Variants in KIAA0825 observed in about 807,000 individuals in gnomAD.
KIAA0825 encodes the protein KIAA0825, also known as uncharacterized protein KIAA0825.
Under a neutral mutation model 147.6 loss-of-function variants are expected in KIAA0825, and 119 were observed. The observed-to-expected ratio is 0.81, with a 90% CI of 0.69 to 0.94. The LOEUF is 0.94. Ranked by LOEUF, KIAA0825 falls within the 40% of genes least tolerant of loss-of-function variation. KIAA0825 has a pLI of 0.00. For synonymous variants in KIAA0825, 470 were observed against 518.1 expected (o/e 0.91, Z 1.26); for missense variants, 1,381 against 1,472.7 (o/e 0.94, Z 1.02).
At chr5:94,581,076 A>C (rs1267074863) in intron 2 of KIAA0825, among the ~76,000 whole-genome samples, 1 of 152,154 alleles carries the variant, frequency 6.6e-6, no homozygotes, top group Admixed American at 6.5e-5. Context: ...ACTCAATTAT[A>C]TCAAATAAGC....
chr5:94,615,650 T>G (rs923772375), intron 1 of KIAA0825: 1 of 152,194 alleles, frequency 6.6e-6, no homozygotes, highest in Admixed American at 6.5e-5. Flanking sequence ...CCAGTCTTCT[T>G]TGCAGGACAG....
Position 94,394,918 on chromosome 5 carries a change from A to C in KIAA0825, c.3296+1183T>G, listed in dbSNP as rs1750434693. Among the ~76,000 whole-genome samples the C allele has an allele frequency of 2.0e-5, 3 of 152,284 alleles. No homozygotes were observed. In the South Asian group the frequency reaches 6.2e-4, roughly 32 times the overall value. On this transcript the variant is annotated intron_variant, in intron 17 of 20. Transcript: ENST00000682413. ...AGGTCAGTATGATGAGACCAGGAAAATCATGATTACCTACTTTTCCCCATT... is the reference window on the plus strand; with the variant it reads ...AGGTCAGTATGATGAGACCAGGAAACTCATGATTACCTACTTTTCCCCATT...
At chr5:94,162,307 A>AT (rs1023760641) in intron 20 of KIAA0825, among the ~76,000 whole-genome samples, 154 of 151,486 alleles carry the variant, frequency 1.0e-3, no homozygotes, top group African/African-American at 3.6e-3. Flanking sequence ...TTTGGTTATG[A>AT]TTTTTTTTTA....
intron 20 of KIAA0825, among the ~76,000 whole-genome samples, chr5:94,287,668 C>T (rs534090238): frequency 6.6e-6 from 1 of 152,280 alleles, no homozygotes; most frequent in South Asian, 2.1e-4. Context: ...AAAATTATTA[C>T]ATTAAGGACA....
At chr5:94,472,343 A>G (rs1349234535) in intron 8 of KIAA0825, among the ~76,000 whole-genome samples, 1 of 152,192 alleles carries the variant, frequency 6.6e-6, no homozygotes, top group African/African-American at 2.4e-5. Context: ...ATGGAAAAGT[A>G]AAGCCTATCT....
intron 20 of KIAA0825, among the ~76,000 whole-genome samples, chr5:94,294,454 A>G (rs1304365956): frequency 6.6e-6 from 1 of 152,194 alleles, no homozygotes; most frequent in Non-Finnish European, 1.5e-5. Context: ...TTGGCTGGGC[A>G]TTGTGGCTCA....
At chr5:94,286,725 A>G (rs779613769) in intron 20 of KIAA0825, among the ~76,000 whole-genome samples, 10 of 151,938 alleles carry the variant, frequency 6.6e-5, no homozygotes, top group Non-Finnish European at 1.0e-4. Flanking sequence ...AAATTTTTAA[A>G]CTTTTTATAA....
chr5:94,174,882 G>T (rs764783332), intron 20 of KIAA0825, among the ~76,000 whole-genome samples: 45 of 152,002 alleles, frequency 3.0e-4, no homozygotes, highest in Non-Finnish European at 3.7e-4. Flanking sequence ...TTCCTAAGCA[G>T]AATTTATACA....
chr5:94,357,184 T>C (rs1784381190), intron 20 of KIAA0825, among the ~76,000 whole-genome samples: 1 of 152,194 alleles, frequency 6.6e-6, no homozygotes, highest in Non-Finnish European at 1.5e-5. Flanking sequence ...TTAAAACGCA[T>C]CTACAGACAT....
chr5:94,205,446 T>C (rs1042700804), intron 20 of KIAA0825, among the ~76,000 whole-genome samples: 1 of 151,230 alleles, frequency 6.6e-6, no homozygotes, highest in Non-Finnish European at 1.5e-5. Context: ...GGACTACAGG[T>C]GCCCACCACC....
At chr5:94,423,214 C>T (rs1754424333) in intron 14 of KIAA0825, among the ~76,000 whole-genome samples, 1 of 152,070 alleles carries the variant, frequency 6.6e-6, no homozygotes, top group East Asian at 1.9e-4. Context: ...AAGCTTAATT[C>T]TGGAAAGCAG....
At chr5:94,254,493 C>T (rs565669401) in intron 20 of KIAA0825, among the ~76,000 whole-genome samples, 2 of 152,222 alleles carry the variant, frequency 1.3e-5, no homozygotes, top group South Asian at 4.2e-4. Flanking sequence ...TACAACTAGG[C>T]TCTAGAGGGC....
chr5:94,429,785 G>A (rs1482915496), intron 14 of KIAA0825, among the ~76,000 whole-genome samples: 1 of 152,292 alleles, frequency 6.6e-6, no homozygotes, highest in African/African-American at 2.4e-5. Context: ...GCCCCCAAGC[G>A]CCCAGAAGTG....
chr5:94,156,554 C>T (rs1268406389), intron 20 of KIAA0825, among the ~76,000 whole-genome samples: 2 of 152,140 alleles, frequency 1.3e-5, no homozygotes, highest in African/African-American at 2.4e-5. Flanking sequence ...AGTAGTCTCT[C>T]TGCTTCATTA....
At chr5:94,410,213 A>G (rs1382922134) in intron 15 of KIAA0825, among the ~76,000 whole-genome samples, 4 of 137,830 alleles carry the variant, frequency 2.9e-5, no homozygotes, top group African/African-American at 5.4e-5. Flanking sequence ...AAAAAAAAAA[A>G]TCACTGAACT....
chr5:94,346,859 G>A (rs1783057541), intron 20 of KIAA0825, among the ~76,000 whole-genome samples: 1 of 152,182 alleles, frequency 6.6e-6, no homozygotes, highest in African/African-American at 2.4e-5. Flanking sequence ...TACTCCACAG[G>A]TGGGGGACGA....
intron 20 of KIAA0825, among the ~76,000 whole-genome samples, chr5:94,159,777 T>A (rs1767377137): frequency 6.6e-6 from 1 of 152,156 alleles, no homozygotes; most frequent in African/African-American, 2.4e-5. Flanking sequence ...TGGCATTTGA[T>A]CATATTTTTG....
chr5:94,432,534 T>C (rs571670644), intron 14 of KIAA0825, among the ~76,000 whole-genome samples: 2 of 152,270 alleles, frequency 1.3e-5, no homozygotes, highest in South Asian at 4.1e-4. Context: ...GATAGGATCT[T>C]TGGATAGGAT....
intron 20 of KIAA0825, among the ~76,000 whole-genome samples, chr5:94,237,484 C>T (rs557312328): frequency 7.0e-4 from 107 of 152,216 alleles, no homozygotes; most frequent in African/African-American, 2.4e-3. Flanking sequence ...AAGGTAAAAG[C>T]GAAAGATGAA....
Sources: gnomAD v4.1 joint callset for allele counts (sites outside exome capture counted in the v4.1 genomes callset) on GRCh38, gnomAD v4.1.1 for gene constraint, MANE v1.5 for transcripts, NCBI Gene and HGNC (gene_info 2026-07-23, HGNC 2026-07-21) for gene names.